LRRC8B: variants seen among roughly 807,000 people sequenced by gnomAD.
LRRC8B encodes volume-regulated anion channel subunit LRRC8B.
Under a neutral mutation model 58.8 loss-of-function variants are expected in LRRC8B, and 23 were observed. The observed-to-expected ratio is 0.39, with a 90% CI of 0.28 to 0.55. The LOEUF (loss-of-function observed/expected upper bound fraction) is 0.55. Among genes scored for constraint, LRRC8B ranks in the 20% least tolerant of loss-of-function variants. The pLI is 0.62. For missense variants in LRRC8B, 694 were observed against 936.0 expected, an observed-to-expected ratio of 0.74 and a Z score of 3.37; for synonymous variants, 359 against 374.1, an observed-to-expected ratio of 0.96 and a Z score of 0.47.
rs371036167 is a variant in LRRC8B, at chr1:89,584,198, T to C, written c.1548T>C (p.Tyr516=). Residue 516 remains tyrosine, a synonymous_variant, in exon 5 of 6, where the codon TAT becomes TAC. Coordinates refer to ENST00000330947, the MANE Select transcript of LRRC8B (RefSeq NM_001369817.2). ...ACCTCAAGAATCTCAAGGAACTTTA[T>C]CTTTCGGGCTGTGTTCTCCCTGAAC... is the stretch of plus-strand genomic sequence containing the variant. The part of the protein sequence containing the change: ...VFHLKNLKEL[Y]LSGCVLPEQL... 1.2e-6 allele frequency: 2 copies of C among 1,611,294 alleles called. No individual in the cohort carries two copies. The highest frequency in any genetic ancestry group is 2.7e-5 in the African/African-American group (2 of 74,926).
chr1:89,580,783 A>G (rs769393632), intron 4 of LRRC8B, among the ~76,000 whole-genome samples: 3 of 152,146 alleles, frequency 2.0e-5, no homozygotes, highest in Non-Finnish European at 4.4e-5. Context: ...CCCAGAGAGG[A>G]CACAAGCAGA....
intron 3 of LRRC8B, among the ~76,000 whole-genome samples, chr1:89,574,106 T>C (rs1653663013): frequency 6.6e-6 from 1 of 152,212 alleles, no homozygotes; most frequent in Non-Finnish European, 1.5e-5. Context: ...AGGCCCCTGG[T>C]CGACAGCCGA....
At chr1:89,536,255 G>T (rs1442326146) in intron 1 of LRRC8B, among the ~76,000 whole-genome samples, 1 of 152,194 alleles carries the variant, frequency 6.6e-6, no homozygotes, top group Non-Finnish European at 1.5e-5. Flanking sequence ...GAGTTCCTCA[G>T]GGGATATGTG....
chr1:89,581,749 C>T (rs1048081233), intron 4 of LRRC8B, among the ~76,000 whole-genome samples: 6 of 152,150 alleles, frequency 3.9e-5, no homozygotes, highest in Non-Finnish European at 8.8e-5. Flanking sequence ...GAGGGAGTCC[C>T]CATGATAGAA....
At position 89,594,480 on chromosome 1, in the gene LRRC8B, A is replaced by G. The variant is rs1655185487; in HGVS notation, c.*1437A>G. The G allele has an allele frequency of 6.6e-6, 1 of 152,180 alleles. No individual in the cohort carries two copies. The highest frequency in any genetic ancestry group is 2.4e-5 in the African/African-American group (1 of 41,454). 9.4% of individuals were successfully genotyped at this position (152,180 alleles called of 1,614,324 possible). On this transcript the variant is annotated 3_prime_UTR_variant, in exon 6 of 6. Transcript: ENST00000330947. ...AGATTTGGTTTTTAAATTGATTTTA[A>G]AATACTTTATAGAAATTTAGTAAGA...
intron 1 of LRRC8B, among the ~76,000 whole-genome samples, chr1:89,551,060 C>T (rs1405547282): frequency 6.6e-6 from 1 of 152,144 alleles, no homozygotes; most frequent in African/African-American, 2.4e-5. Context: ...AAGTCGTCCC[C>T]CTCTGGCCGT....
rs774816205 is a variant in LRRC8B, at chr1:89,582,845, C to G, written c.195C>G (p.His65Gln). Reference sequence around the variant, plus strand: ...CATGCAAAGTGGAATTTGACAATCACTGTGCCGTGCCTTGGGACATCCTGA... The same window carrying G: ...CATGCAAAGTGGAATTTGACAATCAGTGTGCCGTGCCTTGGGACATCCTGA... ...CLPCKVEFDN[H>Q]CAVPWDILKA... The change falls in exon 5 of 6, where the codon CAC (histidine) becomes CAG (glutamine). Residue 65 changes from histidine to glutamine, a missense_variant. Physicochemically the swap from His to Gln is conservative, Grantham distance 24 (BLOSUM62 0). Coordinates refer to ENST00000330947, the MANE Select transcript of LRRC8B (RefSeq NM_001369817.2). 6.2e-7 allele frequency: 1 copy of G among 1,614,224 alleles called. No individual in the cohort carries two copies. Among genetic ancestry groups the G allele is most frequent in the Admixed American group, 1.7e-5 (1 of 60,030 alleles).
chr1:89,544,826 T>C lies in LRRC8B; in HGVS notation c.-241+19804T>C, dbSNP rs751019718. Reference sequence around the variant, plus strand: ...CAGTTTGATATGAATGATTTTCCTTTGGAAAAGCAGAATGCAAAACTGAGA... The same window carrying C: ...CAGTTTGATATGAATGATTTTCCTTCGGAAAAGCAGAATGCAAAACTGAGA... On this transcript the variant is annotated intron_variant, in intron 1 of 5. Transcript: ENST00000330947. 2.6e-5 allele frequency among the ~76,000 whole-genome samples: 4 copies of C among 152,198 alleles called. No individual in the cohort carries two copies. The South Asian group carries it at 8.3e-4, about 31-fold the overall frequency.
intron 1 of LRRC8B, among the ~76,000 whole-genome samples, chr1:89,563,811 T>C (rs1652853657): frequency 6.6e-6 from 1 of 152,188 alleles, no homozygotes; most frequent in Non-Finnish European, 1.5e-5. Context: ...ATGGTTATTA[T>C]CCCTATTTTA....
intron 1 of LRRC8B, chr1:89,558,832 T>C (rs1322350079): frequency 6.6e-6 from 1 of 152,140 alleles, no homozygotes; most frequent in African/African-American, 2.4e-5. Context: ...TCAAGCCCTT[T>C]TATAAGGCAC....
chr1:89,568,210 T>C (rs930242285), intron 1 of LRRC8B, 37 bp from the exon 2 acceptor site: 8 of 152,184 alleles, frequency 5.3e-5, no homozygotes, highest in African/African-American at 1.9e-4. Flanking sequence ...TGAAGTAAAA[T>C]GTGTAGTTTG....
intron 1 of LRRC8B, among the ~76,000 whole-genome samples, chr1:89,533,530 A>T (rs902134923): frequency 6.6e-6 from 1 of 152,128 alleles, no homozygotes; most frequent in Non-Finnish European, 1.5e-5. Flanking sequence ...TCTAGGCTCC[A>T]TTAAAGCATA....
chr1:89,574,232 C>A (rs1020157563), intron 3 of LRRC8B, among the ~76,000 whole-genome samples: 1 of 152,194 alleles, frequency 6.6e-6, no homozygotes, highest in African/African-American at 2.4e-5. Context: ...CAGATCATCC[C>A]ATAGAATCAT....
chr1:89,586,134 A>G (rs1654605681), intron 5 of LRRC8B, among the ~76,000 whole-genome samples: 1 of 152,202 alleles, frequency 6.6e-6, no homozygotes, highest in Non-Finnish European at 1.5e-5. Context: ...AACAGTGTGC[A>G]TCAGAATTAC....
rs1418880633 is a variant in LRRC8B, at chr1:89,566,362, T to C, written c.-240-1885T>C. Among the ~76,000 whole-genome samples the C allele has an allele frequency of 3.3e-5, 5 of 152,354 alleles. No homozygotes were observed. The East Asian group carries it at 9.6e-4, about 29-fold the overall frequency. ...ATGATGCAGTGGGATGTTCTTTTTT[T>C]AAATCCATCTGTTATTTATGATTTT... On this transcript the variant is annotated intron_variant, in intron 1 of 5. Coordinates refer to ENST00000330947, the MANE Select transcript of LRRC8B (RefSeq NM_001369817.2).
intron 5 of LRRC8B, among the ~76,000 whole-genome samples, chr1:89,585,864 T>C (rs2101078149): frequency 6.6e-6 from 1 of 152,250 alleles, no homozygotes; most frequent in Non-Finnish European, 1.5e-5. Context: ...AGACTTTTTG[T>C]AGTTCATATG....
In LRRC8B at chr1:89,594,759, G is replaced by A. The variant is rs1188129660; in HGVS notation, c.*1716G>A. 6.6e-6 allele frequency: 1 copy of A among 152,006 alleles called. No individual in the cohort carries two copies. The highest frequency in any genetic ancestry group is 1.5e-5 in the Non-Finnish European group (1 of 67,972). The allele number at this position is 152,006 out of a possible 1,614,324, so 9.4% of individuals were successfully genotyped here. A position where few individuals can be genotyped will look rare whatever the true frequency, so the allele number is the denominator to read the frequency against. On this transcript the variant is annotated 3_prime_UTR_variant, in exon 6 of 6. Coordinates refer to ENST00000330947, the MANE Select transcript of LRRC8B (RefSeq NM_001369817.2). The stretch of plus-strand genomic sequence containing the variant: ...GAATAAAATCAACTGACTCATTTTT[G>A]GGAAATGTACATCTTTAATATGTTT...
intron 1 of LRRC8B, among the ~76,000 whole-genome samples, chr1:89,548,596 A>G (rs779847704): frequency 2.0e-5 from 3 of 152,242 alleles, no homozygotes; most frequent in Admixed American, 6.5e-5. Flanking sequence ...GCCTCAAGCA[A>G]TGAAAACAGC....
intron 3 of LRRC8B, among the ~76,000 whole-genome samples, chr1:89,575,469 C>G (rs1295027698): frequency 6.6e-6 from 1 of 152,148 alleles, no homozygotes; most frequent in Admixed American, 6.5e-5. Context: ...TTTGTACCTT[C>G]CAACCATCTG....
Sources: allele counts gnomAD v4.1 joint callset (sites outside exome capture counted in the v4.1 genomes callset), GRCh38; gene constraint gnomAD v4.1.1; transcripts MANE v1.5; gene names NCBI Gene and HGNC (gene_info 2026-07-23, HGNC 2026-07-21).